The following TIMD4 variants were observed in gnomAD, a reference collection of about 807,000 sequenced individuals.
TIMD4 encodes T cell immunoglobulin and mucin domain containing 4, also known as T-cell immunoglobulin and mucin domain-containing protein 4.
A neutral mutation model predicts 41.2 loss-of-function variants in TIMD4; 31 were observed. The ratio of observed to expected loss-of-function variants is 0.75; its 90% CI spans 0.57 to 1.01. The LOEUF (loss-of-function observed/expected upper bound fraction) is 1.01. Ranked by LOEUF, TIMD4 falls within the 50% of genes least tolerant of loss-of-function variation. TIMD4 has a pLI of 0.00. For missense variants in TIMD4, 479 were observed against 472.5 expected, an observed-to-expected ratio of 1.01 and a Z score of -0.13; for synonymous variants, 204 against 177.1, an observed-to-expected ratio of 1.15 and a Z score of -1.21.
At chr5:156,961,786 G>A (rs1426386745) in intron 1 of TIMD4, among the ~76,000 whole-genome samples, 14 of 91,438 alleles carry the variant, frequency 1.5e-4, no homozygotes, top group Non-Finnish European at 2.6e-4. Context: ...TCCGGCCTAG[G>A]CAAAAGAGCG....
chr5:156,940,515 A>G (rs10062595), intron 5 of TIMD4, among the ~76,000 whole-genome samples: 44,184 of 145,452 alleles, frequency 0.3, 6,829 homozygotes, highest in African/African-American at 0.4. Context: ...AGTGAGGAGC[A>G]TCTCTGCCTG....
In TIMD4 at chr5:156,919,343, A is replaced by T; in HGVS notation, c.*114T>A. ...CATGAAACTAAAGCAAGCCTGGATC[A>T]ATGACATCCATGGAATAAGTGAGTC... On this transcript the variant is annotated 3_prime_UTR_variant, in exon 9 of 9. Transcript: ENST00000274532. 1 of 938,338 alleles carries T rather than the reference A, an allele frequency of 1.1e-6. No homozygotes were observed. The highest frequency in any genetic ancestry group is 1.7e-6 in the Non-Finnish European group (1 of 603,140). The allele number at this position is 938,338 out of a possible 1,614,324, so 58.1% of individuals were successfully genotyped here.
chr5:156,958,614 G>T (rs1760023962), intron 1 of TIMD4, among the ~76,000 whole-genome samples: 1 of 152,180 alleles, frequency 6.6e-6, no homozygotes, highest in Non-Finnish European at 1.5e-5. Context: ...GATATGAATT[G>T]TTATAGCCAC....
At chr5:156,955,104 T>G (rs1759947586) in intron 1 of TIMD4, among the ~76,000 whole-genome samples, 1 of 152,106 alleles carries the variant, frequency 6.6e-6, no homozygotes, top group Non-Finnish European at 1.5e-5. Context: ...TGTGGTTCTT[T>G]AGCGTAAGTT....
intron 5 of TIMD4, among the ~76,000 whole-genome samples, chr5:156,941,134 A>G (rs1412339738): frequency 1.3e-5 from 2 of 152,030 alleles, no homozygotes; most frequent in Non-Finnish European, 2.9e-5. Flanking sequence ...GTTAAGAGTC[A>G]TCACCACTCC....
Position 156,951,780 on chromosome 5 carries a change from G to C in TIMD4, c.411C>G (p.Thr137=), listed in dbSNP as rs1427684841. The change falls in exon 3 of 9, where the codon ACC becomes ACG. Residue 137 remains threonine (T), a synonymous_variant. Coordinates refer to ENST00000274532, the MANE Select transcript of TIMD4 (RefSeq NM_138379.3). ...TGGTGGTGGTTGCTGTTCTGTGCGT[G>C]GTTGTTGAGGCTGTAACCAACAACA... ...VRLNLQRAST[T]THRTATTTTR... is the part of the protein sequence containing the mutation. 1 of 1,613,996 alleles carries C rather than the reference G, an allele frequency of 6.2e-7. No individual in the cohort carries two copies. The highest frequency in any genetic ancestry group is 1.1e-5 in the South Asian group (1 of 91,062).
rs544757730 is a variant in TIMD4, at chr5:156,932,865, G to A, written c.845-6553C>T. ...CTAAAAATGCAAAAATTAGCCAGGC[G>A]TGGTGGTGGGTGCCTGTAATCCCAG... On this transcript the variant is annotated intron_variant, in intron 5 of 8. Transcript: ENST00000274532. Among the ~76,000 whole-genome samples the A allele has an allele frequency of 6.6e-5, 10 of 152,142 alleles. No homozygotes were observed. In the South Asian group the frequency reaches 1.7e-3, roughly 25 times the overall value.
intron 5 of TIMD4, among the ~76,000 whole-genome samples, chr5:156,933,995 A>G (rs1202110801): frequency 6.6e-6 from 1 of 152,236 alleles, no homozygotes; most frequent in African/African-American, 2.4e-5. Flanking sequence ...TTCCTTTTCA[A>G]CATGGCTATG....
Position 156,954,729 on chromosome 5 carries a change from G to A in TIMD4, c.86C>T (p.Thr29Met), listed in dbSNP as rs375659101. ...LTPVTSETVV[T>M]EVLGHRVTLP... is the part of the protein sequence containing the mutation. ...AGTCACCCGGTGACCCAAAACCTCC[G>A]TCACAACAGTCTCTGAAGTGACTGG... Residue 29 changes from threonine (T) to methionine (M), a missense_variant, in exon 2 of 9, where the codon ACG becomes ATG. Physicochemically the swap from Thr to Met is moderately conservative, Grantham distance 81. Coordinates refer to ENST00000274532, the MANE Select transcript of TIMD4 (RefSeq NM_138379.3). 72 of 1,612,980 alleles carry A rather than the reference G, an allele frequency of 4.5e-5. No homozygotes were observed. Among genetic ancestry groups the A allele is most frequent in the East Asian group, 1.8e-4 (8 of 44,864 alleles).
At chr5:156,961,182 A>G (rs992244943) in intron 1 of TIMD4, among the ~76,000 whole-genome samples, 7 of 152,256 alleles carry the variant, frequency 4.6e-5, no homozygotes, top group African/African-American at 9.6e-5. Flanking sequence ...ACAATGAGGT[A>G]TCACTTCATT....
intron 8 of TIMD4, 76 bp from the exon 9 acceptor site, chr5:156,919,617 A>G: frequency 1.7e-6 from 2 of 1,200,314 alleles, no homozygotes; most frequent in Non-Finnish European, 2.5e-6. Context: ...CTGCTAAGTT[A>G]CAGTGCAATT....
intron 5 of TIMD4, among the ~76,000 whole-genome samples, chr5:156,942,998 A>T (rs1759674095): frequency 6.6e-6 from 1 of 152,206 alleles, no homozygotes; most frequent in Admixed American, 6.5e-5. Flanking sequence ...CTACTATGAG[A>T]TTGTAAAAGC....
chr5:156,920,421 CTTGTACAATCA>C (rs1003584383), intron 8 of TIMD4, 32 bp downstream of exon 8: 1 of 1,601,982 alleles, frequency 6.2e-7, no homozygotes, highest in African/African-American at 1.3e-5. Context: ...TTTGTAACAG[CTTGTACAATCA>C]TTACAACACC....
intron 5 of TIMD4, among the ~76,000 whole-genome samples, chr5:156,931,429 AC>A (rs1471958586): frequency 6.6e-6 from 1 of 152,228 alleles, no homozygotes; most frequent in African/African-American, 2.4e-5. Flanking sequence ...CATGCTTTGT[AC>A]TTTTTCCATG....
intron 1 of TIMD4, among the ~76,000 whole-genome samples, chr5:156,958,313 GGAAAGGAAAGGA>G (rs1760016452): frequency 1.2e-4 from 1 of 8,386 alleles, no homozygotes; most frequent in Non-Finnish European, 1.9e-4. Context: ...AAGAAGGAAA[GGAAAGGAAAGGA>G]AAGGAAAGGA....
At position 156,960,617 on chromosome 5, in the gene TIMD4, G is replaced by A. The variant is rs183515852; in HGVS notation, c.58+2524C>T. ...AGACGGGGTTTCACCATGTTGGCCAGGCTGGTCACAAATTCCTGACCTCGG... is the reference window on the plus strand; with the variant it reads ...AGACGGGGTTTCACCATGTTGGCCAAGCTGGTCACAAATTCCTGACCTCGG... On this transcript the variant is annotated intron_variant, in intron 1 of 8. Transcript: ENST00000274532. Among the ~76,000 whole-genome samples, 20 of 152,272 alleles carry A rather than the reference G, an allele frequency of 1.3e-4. No homozygotes were observed. The East Asian group carries it at 1.7e-3, about 13-fold the overall frequency.
Position 156,960,834 on chromosome 5 carries a change from G to C in TIMD4, c.58+2307C>G, listed in dbSNP as rs116484907. 8.8e-3 allele frequency among the ~76,000 whole-genome samples: 1,334 copies of C among 152,358 alleles called. 4 individuals carry two copies. The highest frequency in any genetic ancestry group is 0.011 in the African/African-American group (437 of 41,584). On this transcript the variant is annotated intron_variant, in intron 1 of 8. Transcript: ENST00000274532. ...AGAGTACCTAGGAAGATAGTCAAAT[G>C]AGTGAGCATTTGCTATAGAGTGACA...
At chr5:156,949,072 C>G (rs993890304) in intron 4 of TIMD4, among the ~76,000 whole-genome samples, 1 of 152,204 alleles carries the variant, frequency 6.6e-6, no homozygotes, top group African/African-American at 2.4e-5. Context: ...AACTGGGAGT[C>G]AACCCCAAGT....
intron 5 of TIMD4, among the ~76,000 whole-genome samples, chr5:156,939,382 A>G (rs1350626840): frequency 1.3e-5 from 2 of 152,258 alleles, no homozygotes; most frequent in African/African-American, 2.4e-5. Flanking sequence ...TTTATGAGCA[A>G]TGACCTCCCA....
Sources: gnomAD v4.1 joint callset for allele counts (sites outside exome capture counted in the v4.1 genomes callset) on GRCh38, gnomAD v4.1.1 for gene constraint, MANE v1.5 for transcripts, NCBI Gene and HGNC (gene_info 2026-07-23, HGNC 2026-07-21) for gene names.